Variants in CLSTN3 observed in about 807,000 individuals in gnomAD.
CLSTN3 encodes the protein calsyntenin-3.
A neutral mutation model predicts 95.9 loss-of-function variants in CLSTN3; 36 were observed. The observed-to-expected ratio is 0.38, with a 90% CI of 0.29 to 0.50. The LOEUF is 0.50. CLSTN3 is among the 20% of genes least tolerant of loss of function. The pLI is 0.95. For missense variants in CLSTN3, 1,084 were observed against 1,268.8 expected (o/e 0.85, Z 2.21); for synonymous variants, 481 against 504.0 (o/e 0.95, Z 0.61).
chr12:7,156,121 C>A, intron 16 of CLSTN3: 1 of 363,274 alleles, frequency 2.8e-6, no homozygotes, highest in Non-Finnish European at 5.5e-6. Context: ...GTGTTTGGGG[C>A]ACACATACAT....
chr12:7,133,584 G>A lies in CLSTN3; in HGVS notation c.199G>A (p.Gly67Ser), dbSNP rs368878804. The A allele has an allele frequency of 1.3e-5, 21 of 1,613,894 alleles. No homozygotes were observed. The highest frequency in any genetic ancestry group is 2.2e-5 in the East Asian group (1 of 44,872). Residue 67 changes from glycine to serine, a missense_variant, in exon 3 of 18, where the codon GGC (glycine) becomes AGC (serine). By Grantham distance (56) the Gly-to-Ser change is moderately conservative. Transcript: ENST00000266546. This position sits in a 1 kb window ranked among gnomAD's most constrained non-coding sequence, Gnocchi z 4.7. The stretch of plus-strand genomic sequence containing the variant: ...CTCCCCTTTGCCAGGTGAGATCTGC[G>A]GCTTCCGGCTCCATGGGTCTGGGGT... ...APLRYAGEIC[G>S]FRLHGSGVPF...
intron 16 of CLSTN3, chr12:7,156,605 G>A: frequency 6.6e-6 from 3 of 456,622 alleles, no homozygotes; most frequent in South Asian, 1.5e-5. Flanking sequence ...CCTGGCTCGG[G>A]TGTGGGGCGT....
chr12:7,144,735 GCCCCTAT>G (rs888986669), intron 12 of CLSTN3, among the ~76,000 whole-genome samples: 19 of 152,242 alleles, frequency 1.2e-4, no homozygotes, highest in African/African-American at 4.6e-4. Flanking sequence ...TCTCAAATTT[GCCCCTAT>G]CCTGGGAGGG....
At position 7,150,710 on chromosome 12, in the gene CLSTN3, C is replaced by T; in HGVS notation, c.2391+21C>T. 6.2e-7 allele frequency: 1 copy of T among 1,606,790 alleles called. No individual in the cohort carries two copies. The highest frequency in any genetic ancestry group is 1.3e-5 in the African/African-American group (1 of 74,954). On this transcript the variant is annotated intron_variant, in intron 15 of 17. Transcript: ENST00000266546. The surrounding 1 kb of genome is among the most constrained non-coding windows in gnomAD (Gnocchi z 4.0). ...TGGAGGTACCCAGAGAGTCTCCTTC[C>T]TTCCACAGTTACCCACCCCCAGAAA...
At chr12:7,142,758 TTC>T in intron 10 of CLSTN3, 109 bp from the exon 11 acceptor site, 1 of 986,114 alleles carries the variant, frequency 1.0e-6, no homozygotes, top group East Asian at 2.8e-5. Flanking sequence ...TCTCCTTTTT[TTC>T]TTTCTCAACT....
In CLSTN3 at chr12:7,135,917, A is replaced by G. The variant is rs1192997366; in HGVS notation, c.706A>G (p.Ile236Val). The G allele has an allele frequency of 1.9e-6, 3 of 1,613,452 alleles. No homozygotes were observed. Among genetic ancestry groups the G allele is most frequent in the Non-Finnish European group, 2.5e-6 (3 of 1,179,708 alleles). ...GGCAGCAGATGATGCTGAGGTGGAG[A>G]TTCAGGTGAAGCCCACCTGTAAACC... is the stretch of plus-strand genomic sequence containing the variant. Reference protein sequence around the residue: ...KRAADDAEVEIQVKPTCKPSW... With the variant: ...KRAADDAEVEVQVKPTCKPSW... Residue 236 changes from isoleucine to valine, a missense_variant, in exon 5 of 18, where the codon ATT becomes GTT. Coordinates refer to ENST00000266546, the MANE Select transcript of CLSTN3 (RefSeq NM_014718.4).
At position 7,133,734 on chromosome 12, in the gene CLSTN3, G is replaced by A; in HGVS notation, c.349G>A (p.Gly117Ser). 6.3e-7 allele frequency: 1 copy of A among 1,594,212 alleles called. No homozygotes were observed. The highest frequency in any genetic ancestry group is 8.5e-7 in the Non-Finnish European group (1 of 1,172,530). ...FTIQAYDCGE[G>S]PDGANTKKSH... ...CATCCAGGCCTATGACTGTGGCGAG[G>A]GCCCCGACGGGGCCAACACCAAGAA... Residue 117 changes from glycine to serine, a missense_variant, in exon 3 of 18, where the codon GGC (glycine) becomes AGC (serine). Coordinates refer to ENST00000266546, the MANE Select transcript of CLSTN3 (RefSeq NM_014718.4). This position sits in a 1 kb window ranked among gnomAD's most constrained non-coding sequence, Gnocchi z 4.7.
At position 7,143,851 on chromosome 12, in the gene CLSTN3, T is replaced by C. The variant is rs145754032; in HGVS notation, c.1847+540T>C. ...AGTGCCCATTCATTGCATATGTCTA[T>C]GGCTACTTTCACTGTGATGGCAGAA... is the stretch of plus-strand genomic sequence containing the variant. On this transcript the variant is annotated intron_variant, in intron 12 of 17. Coordinates refer to ENST00000266546, the MANE Select transcript of CLSTN3 (RefSeq NM_014718.4). Among the ~76,000 whole-genome samples the C allele has an allele frequency of 1.0e-3, 158 of 152,346 alleles. 3 individuals carry two copies. The East Asian group carries it at 0.027, about 26-fold the overall frequency.
At chr12:7,130,307 C>T (rs1451691260), upstream of CLSTN3, 1 of 912,916 alleles carries the variant, frequency 1.1e-6, no homozygotes. Context: ...ACCTGGTCCC[C>T]CCCCCTCCCA....
intron 12 of CLSTN3, among the ~76,000 whole-genome samples, chr12:7,146,959 C>T (rs1425217349): frequency 2.6e-5 from 4 of 152,168 alleles, no homozygotes; most frequent in Admixed American, 2.0e-4. Flanking sequence ...ACATCCCGGG[C>T]ATTGGCAACT....
rs1204276290 is a variant in CLSTN3, at chr12:7,148,944, A to C, written c.1848-28A>C. The C allele has an allele frequency of 3.8e-6, 6 of 1,597,704 alleles. No homozygotes were observed. The East Asian group carries it at 1.1e-4, about 30-fold the overall frequency. ...TTCGGGGAGGAAGTGTTGGGGTCACATGCTGCTTCTCCTGCTTTCTTACAT... is the reference window on the plus strand; with the variant it reads ...TTCGGGGAGGAAGTGTTGGGGTCACCTGCTGCTTCTCCTGCTTTCTTACAT... On this transcript the variant is annotated intron_variant, in intron 12 of 17. Transcript: ENST00000266546.
intron 16 of CLSTN3, chr12:7,156,210 G>T (rs919429796): frequency 1.1e-5 from 5 of 453,200 alleles, no homozygotes; most frequent in Non-Finnish European, 2.2e-5. Flanking sequence ...GCACCCATGT[G>T]GGGAGTAGTG....
chr12:7,148,852 C>G, intron 12 of CLSTN3, 120 bp from the exon 13 acceptor site: 1 of 816,184 alleles, frequency 1.2e-6, no homozygotes, highest in Non-Finnish European at 2.0e-6. Context: ...CTTCCCCTGC[C>G]CCTTCCTGAC....
At position 7,141,344 on chromosome 12, in the gene CLSTN3, A is replaced by C. The variant is rs761716029; in HGVS notation, c.1426A>C (p.Asn476His). 2 of 1,614,152 alleles carry C rather than the reference A, an allele frequency of 1.2e-6. No individual in the cohort carries two copies. Among genetic ancestry groups the C allele is most frequent in the Non-Finnish European group, 1.7e-6 (2 of 1,180,018 alleles). Reference protein sequence around the residue: ...ISFDPALIHDNGLIHPPRREP... With the variant: ...ISFDPALIHDHGLIHPPRREP... Reference sequence around the variant, plus strand: ...CTTCGACCCTGCCCTCATCCATGACAATGGCCTCATCCACCCACCCCGAAG... The same window carrying C: ...CTTCGACCCTGCCCTCATCCATGACCATGGCCTCATCCACCCACCCCGAAG... The change falls in exon 9 of 18, where the codon AAT becomes CAT. Residue 476 changes from asparagine to histidine, a missense_variant. Transcript: ENST00000266546. The surrounding 1 kb of genome is among the most constrained non-coding windows in gnomAD (Gnocchi z 4.1).
Position 7,130,845 on chromosome 12 carries a change from C to G in CLSTN3, c.64+133C>G, listed in dbSNP as rs985728584. ...GGCCCTCTTCTGATCACCCTCCTTC[C>G]CATCCGTTCTCAGACCTGCTCCGTC... On this transcript the variant is annotated intron_variant, in intron 1 of 17. Coordinates refer to ENST00000266546, the MANE Select transcript of CLSTN3 (RefSeq NM_014718.4). 122 of 788,562 alleles carry G rather than the reference C, an allele frequency of 1.5e-4. 1 individual carries two copies. In the East Asian group the frequency reaches 3.3e-3, roughly 21 times the overall value. The allele number at this position is 788,562 out of a possible 1,614,324, so 48.8% of individuals were successfully genotyped here.
chr12:7,142,039 C>A, intron 9 of CLSTN3, 47 bp from the exon 10 acceptor site: 2 of 1,435,806 alleles, frequency 1.4e-6, no homozygotes, highest in Non-Finnish European at 9.5e-7. Context: ...AATCTCTCCA[C>A]ATCCCTGAGC....
At chr12:7,143,870 G>A (rs138415226) in intron 12 of CLSTN3, among the ~76,000 whole-genome samples, 155 of 152,290 alleles carry the variant, frequency 1.0e-3, no homozygotes, top group African/African-American at 3.7e-3. Context: ...TCACTGTGAT[G>A]GCAGAACTGT....
intron 16 of CLSTN3, among the ~76,000 whole-genome samples, chr12:7,155,131 G>C (rs754278300): frequency 2.6e-5 from 4 of 152,286 alleles, no homozygotes; most frequent in African/African-American, 9.6e-5. Flanking sequence ...TGGACCATTT[G>C]CTAAGTCACC....
rs1354189349 is a variant in CLSTN3, at chr12:7,133,959, G to T, written c.383+191G>T. Reference sequence around the variant, plus strand: ...TCAGGCAAGGTGACAGAAACGTATAGTAGAGTTCAGTGGATCTAATCTTGG... The same window carrying T: ...TCAGGCAAGGTGACAGAAACGTATATTAGAGTTCAGTGGATCTAATCTTGG... On this transcript the variant is annotated intron_variant, in intron 3 of 17. Coordinates refer to ENST00000266546, the MANE Select transcript of CLSTN3 (RefSeq NM_014718.4). This position sits in a 1 kb window ranked among gnomAD's most constrained non-coding sequence, Gnocchi z 4.7. 3.8e-6 allele frequency: 2 copies of T among 523,642 alleles called. No homozygotes were observed. Among genetic ancestry groups the T allele is most frequent in the East Asian group, 6.5e-5 (2 of 30,948 alleles). 32.4% of individuals were successfully genotyped at this position (523,642 alleles called of 1,614,324 possible). A position where few individuals can be genotyped will look rare whatever the true frequency, so the allele number is the denominator to read the frequency against.
Sources: gnomAD v4.1 joint callset for allele counts (sites outside exome capture counted in the v4.1 genomes callset) on GRCh38, gnomAD v4.1.1 for gene constraint, Gnocchi (gnomAD v3.1) non-coding constraint, MANE v1.5 for transcripts, NCBI Gene and HGNC (gene_info 2026-07-23, HGNC 2026-07-21) for gene names.